The following KCNMB2 variants were observed in gnomAD, a reference collection of about 807,000 sequenced individuals.
KCNMB2 encodes potassium calcium-activated channel subfamily M regulatory beta subunit 2, also known as calcium-activated potassium channel subunit beta-2.
KCNMB2 carries 9 observed loss-of-function variants against 24.5 expected under a neutral mutation model. The ratio of observed to expected loss-of-function variants is 0.37; its 90% CI spans 0.22 to 0.64. KCNMB2 has a LOEUF of 0.64. Among genes scored for constraint, KCNMB2 ranks in the 30% least tolerant of loss-of-function variants. The pLI is 0.63. For synonymous variants in KCNMB2, 109 were observed against 104.4 expected (o/e 1.04, Z -0.27); for missense variants, 226 against 284.3 (o/e 0.79, Z 1.47).
At chr3:178,777,888 T>C (rs556779425) in intron 1 of KCNMB2, among the ~76,000 whole-genome samples, 1 of 152,294 alleles carries the variant, frequency 6.6e-6, no homozygotes, top group East Asian at 1.9e-4. Context: ...ATAACCCTGT[T>C]TACCCAGTGA....
intron 1 of KCNMB2, among the ~76,000 whole-genome samples, chr3:178,591,988 T>A (rs868197574): frequency 2.0e-5 from 3 of 152,342 alleles, no homozygotes; most frequent in Middle Eastern, 6.8e-3. Context: ...TGAAAATTAC[T>A]GAATAAGATG....
intron 1 of KCNMB2, among the ~76,000 whole-genome samples, chr3:178,678,423 A>G (rs927916271): frequency 4.6e-5 from 7 of 152,202 alleles, no homozygotes; most frequent in Non-Finnish European, 4.4e-5. Flanking sequence ...ACACAGGTAT[A>G]TAAGAAATTA....
At chr3:178,679,047 G>GTTTTT (rs368633480) in intron 1 of KCNMB2, among the ~76,000 whole-genome samples, 10 of 150,110 alleles carry the variant, frequency 6.7e-5, no homozygotes, top group African/African-American at 2.5e-4. Flanking sequence ...TTTGTTTTTT[G>GTTTTT]TTTTGTTTTT....
chr3:178,775,460 A>C (rs1409287591), intron 1 of KCNMB2, among the ~76,000 whole-genome samples: 1 of 152,236 alleles, frequency 6.6e-6, no homozygotes, highest in African/African-American at 2.4e-5. Context: ...CCTAACACTT[A>C]TATTCTAGAT....
At chr3:178,810,357 C>T (rs528508657) in intron 2 of KCNMB2, among the ~76,000 whole-genome samples, 3 of 152,290 alleles carry the variant, frequency 2.0e-5, no homozygotes, top group Non-Finnish European at 4.4e-5. Context: ...CCAGGCCATA[C>T]AAAATCCTCA....
At chr3:178,705,798 C>T (rs1722259517) in intron 1 of KCNMB2, among the ~76,000 whole-genome samples, 1 of 151,954 alleles carries the variant, frequency 6.6e-6, no homozygotes, top group African/African-American at 2.4e-5. Flanking sequence ...AAGGAAATAC[C>T]AAAATTGGAG....
chr3:178,819,147 T>A (rs1164528039), intron 2 of KCNMB2, among the ~76,000 whole-genome samples: 2 of 152,216 alleles, frequency 1.3e-5, no homozygotes, highest in Non-Finnish European at 2.9e-5. Context: ...TCTGTTTTTT[T>A]CTTCTACCAT....
intron 4 of KCNMB2, among the ~76,000 whole-genome samples, chr3:178,838,602 C>T (rs560598497): frequency 6.6e-6 from 1 of 151,394 alleles, no homozygotes; most frequent in Admixed American, 6.6e-5. Flanking sequence ...TGCCTGTGTG[C>T]CCACTGATAA....
At chr3:178,624,613 TAAAAAAGGCATTTAGTTTA>T (rs1719043064) in intron 1 of KCNMB2, among the ~76,000 whole-genome samples, 1 of 148,402 alleles carries the variant, frequency 6.7e-6, no homozygotes, top group African/African-American at 2.5e-5. Flanking sequence ...TTTTTTTTTT[TAAAAAAGGCATTTAGTTTA>T]TTCTCCTCAT....
rs62282971 is a variant in KCNMB2 at position 178,657,259 on chromosome 3, G to C, written c.-68+120548G>C. 3.7e-3 allele frequency among the ~76,000 whole-genome samples: 563 copies of C among 152,274 alleles called. 5 individuals are homozygous for C. The highest frequency in any genetic ancestry group is 5.2e-3 in the Non-Finnish European group (354 of 68,024). On this transcript the variant is annotated intron_variant, in intron 1 of 4. Transcript: ENST00000452583. Reference sequence around the variant, plus strand: ...TCTGAGTTCATTTCTTCAGGCTGCTGGTGTTCTCTCCTAATTGTTTTGAAT... The same window carrying C: ...TCTGAGTTCATTTCTTCAGGCTGCTCGTGTTCTCTCCTAATTGTTTTGAAT...
intron 1 of KCNMB2, chr3:178,537,215 A>G (rs1278644868): frequency 6.6e-6 from 1 of 152,184 alleles, no homozygotes; most frequent in East Asian, 1.9e-4. Flanking sequence ...TTTCCCTGAC[A>G]AAGAACTATT....
chr3:178,576,464 A>T (rs1046839138), intron 1 of KCNMB2, among the ~76,000 whole-genome samples: 1 of 152,104 alleles, frequency 6.6e-6, no homozygotes, highest in Non-Finnish European at 1.5e-5. Context: ...TTCATACCCC[A>T]GTGGTGCCTG....
intron 1 of KCNMB2, among the ~76,000 whole-genome samples, chr3:178,773,434 T>C (rs1712457206): frequency 6.6e-6 from 1 of 152,168 alleles, no homozygotes; most frequent in South Asian, 2.1e-4. Flanking sequence ...TTCCCCCTTT[T>C]TGAATCTGGG....
chr3:178,788,641 T>A (rs1024171601), intron 1 of KCNMB2, among the ~76,000 whole-genome samples: 9 of 152,222 alleles, frequency 5.9e-5, no homozygotes, highest in Non-Finnish European at 8.8e-5. Context: ...TGTATTTGTG[T>A]CATATAATTA....
At chr3:178,727,211 C>T (rs1722994146) in intron 1 of KCNMB2, among the ~76,000 whole-genome samples, 1 of 152,112 alleles carries the variant, frequency 6.6e-6, no homozygotes, top group Admixed American at 6.6e-5. Context: ...ATACATATTG[C>T]TCTCATCTAA....
chr3:178,823,894 T>C (rs913231161), intron 2 of KCNMB2, among the ~76,000 whole-genome samples: 12 of 148,920 alleles, frequency 8.1e-5, no homozygotes, highest in Non-Finnish European at 1.8e-4. Flanking sequence ...CTTGTGCATA[T>C]TGGCTTTTTG....
chr3:178,577,652 T>A (rs1369736272), intron 1 of KCNMB2, among the ~76,000 whole-genome samples: 2 of 152,132 alleles, frequency 1.3e-5, no homozygotes, highest in Non-Finnish European at 2.9e-5. Flanking sequence ...CTAACTAGAA[T>A]AACCAGTTTA....
intron 1 of KCNMB2, among the ~76,000 whole-genome samples, chr3:178,540,756 C>T (rs1348657412): frequency 2.0e-5 from 3 of 152,138 alleles, no homozygotes; most frequent in Non-Finnish European, 4.4e-5. Context: ...CAAATCACAC[C>T]CCTTTGTACA....
At chr3:178,842,545 A>C in intron 4 of KCNMB2, 108 bp from the exon 5 acceptor site, 2 of 717,422 alleles carry the variant, frequency 2.8e-6, no homozygotes, top group Non-Finnish European at 4.7e-6. Context: ...AAGAATAACC[A>C]CCATGGTTAT....
Sources: gnomAD v4.1 joint callset for allele counts (sites outside exome capture counted in the v4.1 genomes callset) on GRCh38, gnomAD v4.1.1 for gene constraint, MANE v1.5 for transcripts, NCBI Gene and HGNC (gene_info 2026-07-23, HGNC 2026-07-21) for gene names.